AMHR2: variants seen among roughly 807,000 people sequenced by gnomAD.
AMHR2 encodes the protein anti-Mullerian hormone receptor type 2.
AMHR2 carries 36 observed loss-of-function variants against 61.4 expected under a neutral mutation model. That is an observed-to-expected ratio of 0.59 (90% CI 0.45 to 0.77). The LOEUF (loss-of-function observed/expected upper bound fraction) is 0.77. Ranked by LOEUF, AMHR2 falls within the 30% of genes least tolerant of loss-of-function variation. The pLI is 0.00. For missense variants in AMHR2, 638 were observed against 714.6 expected (o/e 0.89, Z 1.22); for synonymous variants, 258 against 279.4 (o/e 0.92, Z 0.76).
Position 53,424,338 on chromosome 12 carries a change from G to A in AMHR2, c.100G>A (p.Gly34Arg). 6.2e-7 allele frequency: 1 copy of A among 1,613,186 alleles called. No individual in the cohort carries two copies. The highest frequency in any genetic ancestry group is 8.5e-7 in the Non-Finnish European group (1 of 1,180,038). Reference protein sequence around the residue: ...CVFFEAPGVRGSTKTLGELLD... With the variant: ...CVFFEAPGVRRSTKTLGELLD... ...GTTCTTTGAGGCCCCTGGAGTGCGGGGAAGCACAAAGACACTGGGAGAGCT... is the reference window on the plus strand; with the variant it reads ...GTTCTTTGAGGCCCCTGGAGTGCGGAGAAGCACAAAGACACTGGGAGAGCT... The change falls in exon 2 of 11, where the codon GGA becomes AGA. Residue 34 changes from glycine (G) to arginine (R), a missense_variant. By Grantham distance (125) the Gly-to-Arg change is moderately radical. Transcript: ENST00000257863.
Position 53,428,939 on chromosome 12 carries a change from GAAGTTCCCTGCGGATGGCACT to G in AMHR2, c.897_917del (p.Ser301_Ser307del). The G allele has an allele frequency of 1.3e-6, 2 of 1,551,702 alleles. No homozygotes were observed. The highest frequency in any genetic ancestry group is 1.7e-6 in the Non-Finnish European group (2 of 1,147,064). On this transcript the variant is annotated inframe_deletion, in exon 7 of 11. Transcript: ENST00000257863. ...TTGACCCAGTACACCAGTGACTGGG[GAAGTTCCCTGCGGATGGCACT>G]GTCCCTGGCCCAGGGCCTGGCATTT...
At position 53,430,325 on chromosome 12, in the gene AMHR2, G is replaced by A. The variant is rs137984823; in HGVS notation, c.1425+43G>A. ...TTGGTCTGGGAACCTGGAGAGTGGGGGCTGGGCATGGGCTTCAAGGACGTC... is the reference window on the plus strand; with the variant it reads ...TTGGTCTGGGAACCTGGAGAGTGGGAGCTGGGCATGGGCTTCAAGGACGTC... On this transcript the variant is annotated intron_variant, in intron 10 of 10. Coordinates refer to ENST00000257863, the MANE Select transcript of AMHR2 (RefSeq NM_020547.3). The A allele has an allele frequency of 2.5e-6, 4 of 1,613,968 alleles. No homozygotes were observed. In the East Asian group the frequency reaches 6.7e-5, roughly 27 times the overall value.
rs2136970349 is a variant in AMHR2, at chr12:53,429,897, A to G, written c.1207A>G (p.Met403Val). 6.2e-7 allele frequency: 1 copy of G among 1,614,188 alleles called. No individual in the cohort carries two copies. The highest frequency in any genetic ancestry group is 2.2e-5 in the East Asian group (1 of 44,884). The change falls in exon 9 of 11, where the codon ATG becomes GTG. Residue 403 changes from methionine to valine, a missense_variant. Physicochemically the swap from Met to Val is conservative, Grantham distance 21. Transcript: ENST00000257863. ...GACTCTGGACCTACAGGATTGGGGC[A>G]TGGCCCTCCGACGAGCTGATATTTA... is the stretch of plus-strand genomic sequence containing the variant. ...DKTLDLQDWGMALRRADIYSL... is the reference protein window; with the variant it reads ...DKTLDLQDWGVALRRADIYSL...
Position 53,429,604 on chromosome 12 carries a change from A to G in AMHR2, c.1119A>G (p.Gln373=), listed in dbSNP as rs1215704204. The G allele has an allele frequency of 6.2e-7, 1 of 1,613,920 alleles. No individual in the cohort carries two copies. The highest frequency in any genetic ancestry group is 1.7e-5 in the Admixed American group (1 of 59,980). Residue 373 remains glutamine (Q), a synonymous_variant, in exon 8 of 11, where the codon CAA becomes CAG. Transcript: ENST00000257863. ...CTGCCTGGACCCCTACTCAACCACA[A>G]GGCCCAGCTGCCATCATGGAAGTGA... ...QPPAWTPTQP[Q]GPAAIMEAGT... is the part of the protein sequence containing the mutation.
Position 53,424,400 on chromosome 12 carries a change from C to T in AMHR2, c.162C>T (p.Arg54=). ...DTGTELPRAI[R]CLYSRCCFGI... is the part of the protein sequence containing the mutation. ...GCACAGAGCTCCCCAGAGCTATCCG[C>T]TGCCTCTACAGCCGCTGCTGCTTTG... Residue 54 remains arginine (R), a synonymous_variant, in exon 2 of 11, where the codon CGC becomes CGT. Coordinates refer to ENST00000257863, the MANE Select transcript of AMHR2 (RefSeq NM_020547.3). 2 of 1,613,742 alleles carry T rather than the reference C, an allele frequency of 1.2e-6. No homozygotes were observed.
rs753698788 is a variant in AMHR2, at chr12:53,424,785, C to T, written c.309C>T (p.Gly103=). The change falls in exon 3 of 11, where the codon GGC becomes GGT. Residue 103 remains glycine (G), a synonymous_variant. Transcript: ENST00000257863. ...DPSPRAHPSP[G]STLFTCSCGT... ...GTCCCCGAGCCCACCCCAGCCCTGG[C>T]TCCACTCTCTTCACCTGCTCCTGTG... The T allele has an allele frequency of 6.2e-7, 1 of 1,614,058 alleles. No homozygotes were observed. Among genetic ancestry groups the T allele is most frequent in the African/African-American group, 1.3e-5 (1 of 75,014 alleles).
rs553828346 is a variant in AMHR2, at chr12:53,430,041, A to C, written c.1288+63A>C. 3.1e-6 allele frequency: 5 copies of C among 1,613,972 alleles called. No individual in the cohort carries two copies. In the East Asian group the frequency reaches 8.9e-5, roughly 29 times the overall value. On this transcript the variant is annotated intron_variant, in intron 9 of 10. Transcript: ENST00000257863. ...CCCCCGCCCATTCTAGGTTCACCCC[A>C]ACCTGACCTGGCCTGAGAAAGCTCT... is the stretch of plus-strand genomic sequence containing the variant.
At chr12:53,425,343 A>C in intron 4 of AMHR2, 101 bp downstream of exon 4, 1 of 1,605,076 alleles carries the variant, frequency 6.2e-7, no homozygotes, top group Non-Finnish European at 8.5e-7. Context: ...TGGGATCTCT[A>C]TAGCCTGATT....
rs1220775724 is a variant in AMHR2 at position 53,431,471 on chromosome 12, T to C, written c.1720T>C (p.Ter574GlnextTer19). The change falls in exon 11 of 11, where the codon TAA becomes CAA. Residue 574 changes from the stop codon to glutamine (Q), a stop_lost. Transcript: ENST00000257863. ...GCCTGCCTGTACCCTTTCTCCTGTG[T>C]AAATATGCAGTTTATGTGTCATCAA... ...PQPACTLSPV[*>Q] 6.2e-7 allele frequency: 1 copy of C among 1,614,114 alleles called. No individual in the cohort carries two copies. Among genetic ancestry groups the C allele is most frequent in the Non-Finnish European group, 8.5e-7 (1 of 1,180,054 alleles).
rs374370282 is a variant in AMHR2 at position 53,425,861 on chromosome 12, G to A, written c.794G>A (p.Arg265Gln). 101 of 1,613,506 alleles carry A rather than the reference G, an allele frequency of 6.3e-5. No individual in the cohort carries two copies. Among genetic ancestry groups the A allele is most frequent in the Non-Finnish European group, 7.6e-5 (90 of 1,179,836 alleles). ...ATTGTCCGATTTATCACTGCCAGCC[G>A]GGGGGGTCCTGGCCGCCTGCTCTCT... ...DHIVRFITAS[R>Q]GGPGRLLSGP... Residue 265 changes from arginine (R) to glutamine (Q), a missense_variant, in exon 6 of 11, where the codon CGG becomes CAG. Arg to Gln is a conservative substitution (Grantham distance 43, BLOSUM62 1). Coordinates refer to ENST00000257863, the MANE Select transcript of AMHR2 (RefSeq NM_020547.3).
intron 6 of AMHR2, among the ~76,000 whole-genome samples, chr12:53,428,185 G>T (rs1015180032): frequency 2.6e-5 from 4 of 152,168 alleles, no homozygotes; most frequent in Non-Finnish European, 4.4e-5. Context: ...TCCTATCTTG[G>T]GGTTTACTGC....
chr12:53,424,237 C>T (rs1298252497), intron 1 of AMHR2, 51 bp from the exon 2 acceptor site: 2 of 1,609,636 alleles, frequency 1.2e-6, no homozygotes, highest in Admixed American at 1.7e-5. Flanking sequence ...TTTTTTGCCT[C>T]TGCATTCACT....
At chr12:53,429,087 G>T in intron 7 of AMHR2, 77 bp downstream of exon 7, 1 of 1,348,002 alleles carries the variant, frequency 7.4e-7, no homozygotes, top group East Asian at 2.5e-5. Context: ...GGAGGGGAAA[G>T]ATTGGGTCAA....
At chr12:53,430,396 A>G in intron 10 of AMHR2, 114 bp downstream of exon 10, 1 of 1,540,188 alleles carries the variant, frequency 6.5e-7, no homozygotes, top group Non-Finnish European at 8.9e-7. Flanking sequence ...ATCTCCCATC[A>G]CTCCTTGGTT....
chr12:53,428,997 G>C lies in AMHR2; in HGVS notation c.954G>C (p.Glu318Asp). 6.4e-7 allele frequency: 1 copy of C among 1,551,272 alleles called. No individual in the cohort carries two copies. The highest frequency in any genetic ancestry group is 8.7e-7 in the Non-Finnish European group (1 of 1,146,962). Residue 318 changes from glutamate (E) to aspartate (D), a missense_variant, in exon 7 of 11, where the codon GAG (glutamate) becomes GAC (aspartate). Transcript: ENST00000257863. ...AGGGCCTGGCATTTCTCCATGAGGAGCGCTGGCAGAATGGTGGGTGAGCTG... is the reference window on the plus strand; with the variant it reads ...AGGGCCTGGCATTTCTCCATGAGGACCGCTGGCAGAATGGTGGGTGAGCTG... ...LAQGLAFLHE[E>D]RWQNGQYKPG...
chr12:53,424,611 T>G, intron 2 of AMHR2, 98 bp from the exon 3 acceptor site: 2 of 1,531,980 alleles, frequency 1.3e-6, no homozygotes, highest in Non-Finnish European at 9.0e-7. Context: ...AAGGGACGCC[T>G]CTGATAGAGA....
Position 53,430,013 on chromosome 12 carries a change from TC to T in AMHR2, c.1288+42del, listed in dbSNP as rs762958910. The T allele has an allele frequency of 6.8e-5, 110 of 1,613,582 alleles. 1 individual carries two copies. Among genetic ancestry groups the T allele is most frequent in the Non-Finnish European group, 8.1e-5 (96 of 1,179,898 alleles). On this transcript the variant is annotated intron_variant, in intron 9 of 10. Transcript: ENST00000257863. ...GGTGGTACAGTCCCCTCTCCTGGGC[TC>T]CCCCCCGCCCATTCTAGGTTCACCC...
chr12:53,430,393 A>G (rs758971843), intron 10 of AMHR2, 111 bp downstream of exon 10: 23 of 1,550,042 alleles, frequency 1.5e-5, no homozygotes, highest in East Asian at 4.5e-5. Flanking sequence ...CTTATCTCCC[A>G]TCACTCCTTG....
chr12:53,431,221 A>G lies in AMHR2; in HGVS notation c.1470A>G (p.Ala490=). 6.2e-7 allele frequency: 1 copy of G among 1,614,252 alleles called. No homozygotes were observed. The highest frequency in any genetic ancestry group is 8.5e-7 in the Non-Finnish European group (1 of 1,180,038). ...AGCTCCTAGAAGACTGTTGGGATGC[A>G]GACCCAGAAGCACGGCTGACAGCTG... The part of the protein sequence containing the change: ...LRELLEDCWD[A]DPEARLTAEC... Residue 490 remains alanine, a synonymous_variant, in exon 11 of 11, where the codon GCA becomes GCG. Coordinates refer to ENST00000257863, the MANE Select transcript of AMHR2 (RefSeq NM_020547.3).
Sources: allele counts gnomAD v4.1 joint callset (sites outside exome capture counted in the v4.1 genomes callset), GRCh38; gene constraint gnomAD v4.1.1; transcripts MANE v1.5; gene names NCBI Gene and HGNC (gene_info 2026-07-23, HGNC 2026-07-21).